The following ARHGAP26 variants were observed in gnomAD, a reference collection of about 807,000 sequenced individuals.
ARHGAP26 encodes the protein rho GTPase-activating protein 26.
ARHGAP26 carries 38 observed loss-of-function variants against 104.8 expected under a neutral mutation model. The observed-to-expected ratio is 0.36, with a 90% CI of 0.28 to 0.48. The LOEUF (loss-of-function observed/expected upper bound fraction) is 0.48. Ranked by LOEUF, ARHGAP26 falls within the 20% of genes least tolerant of loss-of-function variation. ARHGAP26 has a pLI of 0.99. For synonymous variants in ARHGAP26, 341 were observed against 340.0 expected (o/e 1.00, Z -0.03); for missense variants, 704 against 947.9 (o/e 0.74, Z 3.38).
chr5:143,072,595 A>G (rs1788435197), intron 17 of ARHGAP26, among the ~76,000 whole-genome samples: 1 of 152,224 alleles, frequency 6.6e-6, no homozygotes, highest in Non-Finnish European at 1.5e-5. Context: ...AAATCCTGTC[A>G]TTTGCAGCAA....
intron 1 of ARHGAP26, among the ~76,000 whole-genome samples, chr5:142,801,501 C>T (rs937604002): frequency 6.6e-6 from 1 of 151,648 alleles, no homozygotes; most frequent in East Asian, 1.9e-4. Context: ...TTGGTAAATA[C>T]GGACAAACAT....
At position 143,226,365 on chromosome 5, in the gene ARHGAP26, CAG is replaced by C. The variant is rs1299978329; in HGVS notation, c.*3920_*3921del. On this transcript the variant is annotated 3_prime_UTR_variant, in exon 23 of 23. Coordinates refer to ENST00000645722, the MANE Select transcript of ARHGAP26 (RefSeq NM_001135608.3). ...GTGTGGTGGCGGGCGCCTGTAGTCC[CAG>C]CTACTCTGGAGGCTGAGGCAGGAGA... 5.7e-6 allele frequency: 1 copy of C among 175,340 alleles called. No individual in the cohort carries two copies. The highest frequency in any genetic ancestry group is 1.2e-5 in the Non-Finnish European group (1 of 81,496). 10.9% of individuals were successfully genotyped at this position (175,340 alleles called of 1,614,324 possible).
rs74964572 is a variant in ARHGAP26, at chr5:143,173,832, C to A, written c.1988+26451C>A. Among the ~76,000 whole-genome samples, 263 of 152,268 alleles carry A rather than the reference C, an allele frequency of 1.7e-3. 9 individuals are homozygous for A. In the East Asian group the frequency reaches 0.045, roughly 26 times the overall value. On this transcript the variant is annotated intron_variant, in intron 20 of 22. Transcript: ENST00000645722. ...TTGACCTAGACTGCACCCTAGGCTTCCCTATACCTAAAAAATTTACCCTGA... is the reference window on the plus strand; with the variant it reads ...TTGACCTAGACTGCACCCTAGGCTTACCTATACCTAAAAAATTTACCCTGA...
At chr5:143,030,577 C>T (rs1215527776) in intron 12 of ARHGAP26, among the ~76,000 whole-genome samples, 1 of 151,846 alleles carries the variant, frequency 6.6e-6, no homozygotes, top group Non-Finnish European at 1.5e-5. Context: ...CTATTCATTT[C>T]TTTATTTAAC....
intron 17 of ARHGAP26, among the ~76,000 whole-genome samples, chr5:143,112,933 A>T (rs2150728085): frequency 6.6e-6 from 1 of 152,332 alleles, no homozygotes; most frequent in South Asian, 2.1e-4. Flanking sequence ...GTGTACAAAT[A>T]CTTCTTTGAG....
chr5:142,930,883 C>T (rs1298714200), intron 10 of ARHGAP26, among the ~76,000 whole-genome samples: 1 of 152,106 alleles, frequency 6.6e-6, no homozygotes, highest in Non-Finnish European at 1.5e-5. Flanking sequence ...AAGCCAGAAG[C>T]AGAGATGATG....
At chr5:142,865,533 G>A (rs1412823790) in intron 1 of ARHGAP26, among the ~76,000 whole-genome samples, 1 of 139,760 alleles carries the variant, frequency 7.2e-6, no homozygotes, top group Non-Finnish European at 1.5e-5. Flanking sequence ...TTATCTCCTG[G>A]CTGACCAATG....
chr5:142,933,753 C>T (rs975875468), intron 11 of ARHGAP26, among the ~76,000 whole-genome samples: 3 of 152,192 alleles, frequency 2.0e-5, no homozygotes, highest in African/African-American at 7.2e-5. Flanking sequence ...CATAGGCAGT[C>T]ATGGGCCCTG....
At chr5:143,062,975 A>G (rs370461063) in intron 17 of ARHGAP26, among the ~76,000 whole-genome samples, 1 of 152,350 alleles carries the variant, frequency 6.6e-6, no homozygotes, top group South Asian at 2.1e-4. Flanking sequence ...ATGATGGCTT[A>G]GATGGAAAGC....
chr5:142,818,475 G>A (rs1765535301), intron 1 of ARHGAP26, among the ~76,000 whole-genome samples: 1 of 152,194 alleles, frequency 6.6e-6, no homozygotes, highest in Non-Finnish European at 1.5e-5. Flanking sequence ...ACCGTCTGCT[G>A]TCACTCTGAC....
At chr5:142,828,105 C>T (rs995227334) in intron 1 of ARHGAP26, among the ~76,000 whole-genome samples, 5 of 152,174 alleles carry the variant, frequency 3.3e-5, no homozygotes, top group Non-Finnish European at 7.3e-5. Context: ...ATCAAGTTTC[C>T]TCTACAGGTA....
chr5:143,143,261 G>C (rs541917251), intron 19 of ARHGAP26, among the ~76,000 whole-genome samples: 1 of 152,270 alleles, frequency 6.6e-6, no homozygotes, highest in African/African-American at 2.4e-5. Context: ...AATTTGGCTT[G>C]GCTCTGTGAG....
chr5:143,101,970 G>A (rs1194791146), intron 17 of ARHGAP26, among the ~76,000 whole-genome samples: 3 of 151,850 alleles, frequency 2.0e-5, no homozygotes, highest in Non-Finnish European at 4.4e-5. Flanking sequence ...GGCGCTGATA[G>A]AACTGGAGTC....
chr5:142,878,703 G>A (rs1252865327), intron 3 of ARHGAP26, among the ~76,000 whole-genome samples: 2 of 152,166 alleles, frequency 1.3e-5, no homozygotes, highest in Admixed American at 6.5e-5. Context: ...TCCCTGTAAG[G>A]GTTTGGGAAC....
chr5:142,884,504 C>T (rs890619426), intron 4 of ARHGAP26, among the ~76,000 whole-genome samples: 3 of 152,170 alleles, frequency 2.0e-5, no homozygotes, highest in African/African-American at 7.2e-5. Context: ...AGGTATTTGC[C>T]TATAAGTAAA....
chr5:142,815,013 C>T (rs965426204), intron 1 of ARHGAP26, among the ~76,000 whole-genome samples: 1 of 152,134 alleles, frequency 6.6e-6, no homozygotes, highest in Non-Finnish European at 1.5e-5. Context: ...TGATTTTTAT[C>T]TTTTAGAGAC....
chr5:142,868,765 T>A (rs1597999641), intron 1 of ARHGAP26: 1 of 152,262 alleles, frequency 6.6e-6, no homozygotes, highest in South Asian at 2.1e-4. Flanking sequence ...TTGAGTGTGT[T>A]GAGTTTGACC....
At chr5:143,081,503 G>A (rs1269523435) in intron 17 of ARHGAP26, among the ~76,000 whole-genome samples, 1 of 152,180 alleles carries the variant, frequency 6.6e-6, no homozygotes, top group African/African-American at 2.4e-5. Flanking sequence ...TGGAAGTCCT[G>A]GAGTCAAACA....
rs192858111 is a variant in ARHGAP26, at chr5:142,978,121, T to G, written c.1108-35959T>G. On this transcript the variant is annotated intron_variant, in intron 11 of 22. Coordinates refer to ENST00000645722, the MANE Select transcript of ARHGAP26 (RefSeq NM_001135608.3). The stretch of plus-strand genomic sequence containing the variant: ...ATGAGCACATTCAGTCTTAAAAATT[T>G]TTTTTCTGCTTTAATTGGCGTGGGG... Among the ~76,000 whole-genome samples the G allele has an allele frequency of 5.0e-4, 76 of 152,346 alleles. 1 individual carries two copies. Among genetic ancestry groups the G allele is most frequent in the Admixed American group, 4.8e-3 (73 of 15,304 alleles).
Sources: allele counts gnomAD v4.1 joint callset (sites outside exome capture counted in the v4.1 genomes callset), GRCh38; gene constraint gnomAD v4.1.1; transcripts MANE v1.5; gene names NCBI Gene and HGNC (gene_info 2026-07-23, HGNC 2026-07-21).